Variants in STOX1 observed in about 807,000 individuals in gnomAD.
STOX1 encodes storkhead-box protein 1.
STOX1 carries 57 observed loss-of-function variants against 74.8 expected under a neutral mutation model. The observed-to-expected ratio is 0.76, with a 90% CI of 0.62 to 0.95. STOX1 has a LOEUF of 0.95. STOX1 is among the 40% of genes least tolerant of loss of function. The pLI is 0.00. For synonymous variants in STOX1, 375 were observed against 401.3 expected, an observed-to-expected ratio of 0.93 and a Z score of 0.78; for missense variants, 1,010 against 1,117.0, an observed-to-expected ratio of 0.90 and a Z score of 1.37.
At chr10:68,893,151 A>T (rs553917312), downstream of STOX1, 13 of 191,188 alleles carry the variant, frequency 6.8e-5, no homozygotes, top group South Asian at 5.6e-4. Context: ...ATCAGAAAAC[A>T]GTGTGTGTTG....
intron 1 of STOX1, among the ~76,000 whole-genome samples, chr10:68,852,995 T>C (rs1173447456): frequency 6.6e-6 from 1 of 150,914 alleles, no homozygotes; most frequent in Non-Finnish European, 1.5e-5. Flanking sequence ...CAATCTTGGC[T>C]CACTGCAACC....
At chr10:68,861,073 T>G (rs1278325035) in intron 1 of STOX1, among the ~76,000 whole-genome samples, 1 of 152,082 alleles carries the variant, frequency 6.6e-6, no homozygotes, top group Non-Finnish European at 1.5e-5. Flanking sequence ...CCGGGCATGA[T>G]GGCACATGCC....
intron 1 of STOX1, among the ~76,000 whole-genome samples, chr10:68,850,268 A>T (rs1337382429): frequency 6.6e-6 from 1 of 152,210 alleles, no homozygotes; most frequent in Non-Finnish European, 1.5e-5. Context: ...TCGGCCTCCC[A>T]AAGTGCTGGG....
At chr10:68,860,934 C>T (rs761664797) in intron 1 of STOX1, among the ~76,000 whole-genome samples, 9 of 151,952 alleles carry the variant, frequency 5.9e-5, no homozygotes, top group Admixed American at 2.6e-4. Context: ...ATTGGCCGGG[C>T]GCGGTGGCTC....
intron 1 of STOX1, among the ~76,000 whole-genome samples, chr10:68,860,692 A>C (rs1423711770): frequency 6.6e-6 from 1 of 151,884 alleles, no homozygotes; most frequent in Non-Finnish European, 1.5e-5. Flanking sequence ...AAGGCGAGGG[A>C]AAATTTGATT....
intron 1 of STOX1, among the ~76,000 whole-genome samples, chr10:68,856,982 A>G (rs1201424320): frequency 2.0e-5 from 3 of 152,048 alleles, no homozygotes; most frequent in Non-Finnish European, 4.4e-5. Flanking sequence ...CTAACCAACT[A>G]CAGGCCCTTG....
At chr10:68,857,722 C>T (rs2133552183) in intron 1 of STOX1, among the ~76,000 whole-genome samples, 1 of 152,210 alleles carries the variant, frequency 6.6e-6, no homozygotes, top group Admixed American at 6.5e-5. Context: ...GCAGTCCATG[C>T]TGCTCCAGGC....
chr10:68,883,924 A>G (rs562022404), intron 2 of STOX1, among the ~76,000 whole-genome samples: 50 of 151,500 alleles, frequency 3.3e-4, no homozygotes, highest in Admixed American at 1.9e-3. Flanking sequence ...AAGTCTTGCT[A>G]TGTTGCCTAG....
chr10:68,851,992 G>A (rs1452545020), intron 1 of STOX1, among the ~76,000 whole-genome samples: 1 of 152,064 alleles, frequency 6.6e-6, no homozygotes, highest in East Asian at 1.9e-4. Flanking sequence ...AAATTAGCCA[G>A]GCGTGGTGGT....
At chr10:68,892,418 C>G (rs1469648574) in intron 3 of STOX1, among the ~76,000 whole-genome samples, 171 bp from the exon 4 acceptor site, 1 of 151,792 alleles carries the variant, frequency 6.6e-6, no homozygotes, top group Non-Finnish European at 1.5e-5. Context: ...TATTGTGAAG[C>G]CTTTAAAATG....
chr10:68,885,351 C>T lies in STOX1; in HGVS notation c.1555C>T (p.Leu519=), dbSNP rs10509304. The change falls in exon 3 of 4, where the codon CTG becomes TTG. Residue 519 remains leucine, a synonymous_variant. Transcript: ENST00000298596. The part of the protein sequence containing the change: ...KGHKIQKTSD[L]KPSQTGPKEK... ...GCACAAAATTCAGAAGACGAGTGATCTGAAACCCAGCCAGACTGGACCAAA... is the reference window on the plus strand; with the variant it reads ...GCACAAAATTCAGAAGACGAGTGATTTGAAACCCAGCCAGACTGGACCAAA... 0.036 allele frequency: 58,748 copies of T among 1,614,168 alleles called. 1,327 individuals carry two copies. The highest frequency in any genetic ancestry group is 0.075 in the Admixed American group (4,504 of 60,012).
chr10:68,885,639 G>A lies in STOX1; in HGVS notation c.1843G>A (p.Glu615Lys), dbSNP rs1324601663. ...ATATGAAGTGTATGGTGGAGAAAAT[G>A]AGGTAATTCCTGAAGTCTTGAGGAA... The part of the protein sequence containing the change: ...LRYEVYGGEN[E>K]VIPEVLRKSH... Residue 615 changes from glutamate (E) to lysine (K), a missense_variant, in exon 3 of 4, where the codon GAG (glutamate) becomes AAG (lysine). Transcript: ENST00000298596. The A allele has an allele frequency of 1.2e-6, 2 of 1,614,070 alleles. No homozygotes were observed. Among genetic ancestry groups the A allele is most frequent in the African/African-American group, 1.3e-5 (1 of 74,938 alleles).
At chr10:68,857,753 C>T (rs1564577226) in intron 1 of STOX1, among the ~76,000 whole-genome samples, 1 of 152,072 alleles carries the variant, frequency 6.6e-6, no homozygotes. Flanking sequence ...TGGCTTTGCC[C>T]CCTAAATTAG....
At chr10:68,878,841 G>A (rs1840741587) in intron 1 of STOX1, among the ~76,000 whole-genome samples, 1 of 152,114 alleles carries the variant, frequency 6.6e-6, no homozygotes, top group South Asian at 2.1e-4. Flanking sequence ...GCATAATCAA[G>A]CTTTCTTAAT....
chr10:68,894,407 G>A (rs1258889177), downstream of STOX1, among the ~76,000 whole-genome samples: 1 of 152,168 alleles, frequency 6.6e-6, no homozygotes, highest in African/African-American at 2.4e-5. Flanking sequence ...GAAGTCCAGA[G>A]AGAAGCCCGG....
chr10:68,841,012 A>T (rs1589217033), intron 1 of STOX1, among the ~76,000 whole-genome samples: 1 of 150,424 alleles, frequency 6.6e-6, no homozygotes, highest in East Asian at 2.0e-4. Context: ...CAGTGGTGCG[A>T]TCCTGGCTTA....
In STOX1 at chr10:68,874,467, C is replaced by T. The variant is rs76624567; in HGVS notation, c.311-7491C>T. Among the ~76,000 whole-genome samples the T allele has an allele frequency of 9.8e-3, 1,486 of 152,138 alleles. 11 individuals carry two copies. The highest frequency in any genetic ancestry group is 0.017 in the Middle Eastern group (5 of 294). On this transcript the variant is annotated intron_variant, in intron 1 of 3. Coordinates refer to ENST00000298596, the MANE Select transcript of STOX1 (RefSeq NM_152709.5). ...TTAAATGTACCTACGATCTGTAAGC[C>T]CCTTCAAGATATCCTGCCCTTTTAA...
chr10:68,877,123 T>C (rs1356784477), intron 1 of STOX1, among the ~76,000 whole-genome samples: 1 of 152,192 alleles, frequency 6.6e-6, no homozygotes, highest in Non-Finnish European at 1.5e-5. Flanking sequence ...AGGCTTTGTC[T>C]AGAGGAGCTC....
In STOX1 at chr10:68,884,231, T is replaced by C. The variant is rs748701690; in HGVS notation, c.464-29T>C. ...TCATTAAAATTTTTCTTATTCAAAA[T>C]CTATCTGTAAAATGCTTGTCTGTTT... On this transcript the variant is annotated intron_variant, in intron 2 of 3. Transcript: ENST00000298596. The C allele has an allele frequency of 3.7e-6, 6 of 1,609,512 alleles. No individual in the cohort carries two copies. In the Admixed American group the frequency reaches 1.0e-4, roughly 27 times the overall value.
Sources: allele counts gnomAD v4.1 joint callset (sites outside exome capture counted in the v4.1 genomes callset), GRCh38; gene constraint gnomAD v4.1.1; transcripts MANE v1.5; gene names NCBI Gene and HGNC (gene_info 2026-07-23, HGNC 2026-07-21).